The following XKR4 variants were observed in gnomAD, a reference collection of about 807,000 sequenced individuals.
XKR4 encodes the protein XK related 4, also known as XK-related protein 4.
Under a neutral mutation model 53.9 loss-of-function variants are expected in XKR4, and 12 were observed. That is an observed-to-expected ratio of 0.22 (90% CI 0.14 to 0.36). XKR4 has a LOEUF of 0.36. Ranked by LOEUF, XKR4 falls within the 10% of genes least tolerant of loss-of-function variation. The probability of loss-of-function intolerance (pLI) is 1.00; values close to 1 mark genes in which losing one functional copy is unlikely to be tolerated. For synonymous variants in XKR4, 354 were observed against 362.4 expected, an observed-to-expected ratio of 0.98 and a Z score of 0.26; for missense variants, 799 against 859.5, an observed-to-expected ratio of 0.93 and a Z score of 0.88.
intron 2 of XKR4, among the ~76,000 whole-genome samples, chr8:55,477,407 C>T (rs901639310): frequency 2.6e-5 from 4 of 152,044 alleles, no homozygotes; most frequent in South Asian, 2.1e-4. Context: ...CCCTTCTGTA[C>T]GTCAACATCA....
At chr8:55,456,056 T>C (rs1805564585) in intron 2 of XKR4, among the ~76,000 whole-genome samples, 1 of 152,236 alleles carries the variant, frequency 6.6e-6, no homozygotes, top group Non-Finnish European at 1.5e-5. Flanking sequence ...ATTTCCATTT[T>C]GGGGCAAAAC....
intron 1 of XKR4, among the ~76,000 whole-genome samples, chr8:55,314,617 G>T (rs902160546): frequency 2.6e-5 from 4 of 152,210 alleles, no homozygotes; most frequent in African/African-American, 7.2e-5. Flanking sequence ...TTCTTTAAGA[G>T]TTAGAATTTT....
In XKR4 at chr8:55,376,835, CAA is replaced by C. The variant is rs779596279; in HGVS notation, c.1006+18961_1006+18962del. 3.8e-4 allele frequency among the ~76,000 whole-genome samples: 57 copies of C among 151,810 alleles called. 1 individual carries two copies. Among genetic ancestry groups the C allele is most frequent in the Admixed American group, 2.4e-3 (36 of 15,222 alleles). Reference sequence around the variant, plus strand: ...TCATTAATTCTAATAAATGAGTCATCAAAAGTCATTATATTTCTTTCTATTTT... The same window carrying C: ...TCATTAATTCTAATAAATGAGTCATCAAGTCATTATATTTCTTTCTATTTT... On this transcript the variant is annotated intron_variant, in intron 2 of 2. Transcript: ENST00000327381.
At chr8:55,362,099 C>T (rs1001187670) in intron 2 of XKR4, among the ~76,000 whole-genome samples, 4 of 152,096 alleles carry the variant, frequency 2.6e-5, no homozygotes, top group African/African-American at 7.2e-5. Context: ...TGAGAGAGTA[C>T]ACACAAAGGA....
At chr8:55,158,372 T>C (rs1250138468) in intron 1 of XKR4, among the ~76,000 whole-genome samples, 1 of 152,226 alleles carries the variant, frequency 6.6e-6, no homozygotes, top group Non-Finnish European at 1.5e-5. Context: ...TTGATTAGTT[T>C]AAGTTCCTTA....
chr8:55,230,588 G>A (rs534719656), intron 1 of XKR4, among the ~76,000 whole-genome samples: 1 of 152,140 alleles, frequency 6.6e-6, no homozygotes, highest in East Asian at 1.9e-4. Flanking sequence ...GGCTGGTCTC[G>A]AACTCCTGTC....
At chr8:55,127,702 G>A (rs1331506922) in intron 1 of XKR4, among the ~76,000 whole-genome samples, 10 of 145,938 alleles carry the variant, frequency 6.9e-5, no homozygotes, top group Admixed American at 1.4e-4. Context: ...ATTTAGCTTA[G>A]GTATATCTCC....
At chr8:55,397,472 T>C (rs531476610) in intron 2 of XKR4, among the ~76,000 whole-genome samples, 68 of 152,304 alleles carry the variant, frequency 4.5e-4, no homozygotes, top group Non-Finnish European at 6.3e-4. Context: ...TGGAAGCTTG[T>C]GACCTGAAAG....
chr8:55,216,517 C>A (rs1356953627), intron 1 of XKR4, among the ~76,000 whole-genome samples: 1 of 152,134 alleles, frequency 6.6e-6, no homozygotes, highest in Non-Finnish European at 1.5e-5. Flanking sequence ...CACCTGAGGT[C>A]AGGAGTTCGA....
Position 55,529,057 on chromosome 8 carries a change from A to G in XKR4, c.*4830A>G, listed in dbSNP as rs1806915250. On this transcript the variant is annotated 3_prime_UTR_variant, in exon 3 of 3. Transcript: ENST00000327381. ...AAAATGGGCATGTGGCAAGACTCTCAATCTACAGCCTCGACAGTATCATTA... is the reference window on the plus strand; with the variant it reads ...AAAATGGGCATGTGGCAAGACTCTCGATCTACAGCCTCGACAGTATCATTA... The G allele has an allele frequency of 6.7e-6, 1 of 149,958 alleles. No homozygotes were observed. The highest frequency in any genetic ancestry group is 2.2e-4 in the South Asian group (1 of 4,642). The allele number at this position is 149,958 out of a possible 1,614,324, so 9.3% of individuals were successfully genotyped here.
chr8:55,506,519 G>A (rs969228265), intron 2 of XKR4, among the ~76,000 whole-genome samples: 48 of 152,312 alleles, frequency 3.2e-4, no homozygotes, highest in African/African-American at 1.1e-3. Context: ...GCCCTAGGAA[G>A]GTCAACACCC....
intron 2 of XKR4, among the ~76,000 whole-genome samples, chr8:55,466,598 C>T (rs938803517): frequency 7.3e-5 from 11 of 149,762 alleles, no homozygotes; most frequent in Non-Finnish European, 1.2e-4. Context: ...AACAAACCTG[C>T]ACATTGTGCA....
chr8:55,261,079 A>G (rs930379933), intron 1 of XKR4, among the ~76,000 whole-genome samples: 1 of 152,174 alleles, frequency 6.6e-6, no homozygotes, highest in Non-Finnish European at 1.5e-5. Context: ...CTATATCACT[A>G]CCTGGGAAGG....
At chr8:55,465,490 A>T (rs1286734983) in intron 2 of XKR4, among the ~76,000 whole-genome samples, 1 of 152,044 alleles carries the variant, frequency 6.6e-6, no homozygotes, top group African/African-American at 2.4e-5. Flanking sequence ...TTAACTCAAG[A>T]TGGATTAAAG....
intron 2 of XKR4, among the ~76,000 whole-genome samples, chr8:55,441,024 T>A (rs1195572134): frequency 6.7e-6 from 1 of 149,614 alleles, no homozygotes; most frequent in Non-Finnish European, 1.5e-5. Flanking sequence ...TCCCAAAAGC[T>A]TGATACCAGC....
Position 55,524,500 on chromosome 8 carries a change from C to A in XKR4, c.*273C>A. 1 of 474,316 alleles carries A rather than the reference C, an allele frequency of 2.1e-6. No individual in the cohort carries two copies. The highest frequency in any genetic ancestry group is 3.6e-5 in the East Asian group (1 of 28,112). The allele number at this position is 474,316 out of a possible 1,614,324, so 29.4% of individuals were successfully genotyped here. On this transcript the variant is annotated 3_prime_UTR_variant, in exon 3 of 3. Transcript: ENST00000327381. The stretch of plus-strand genomic sequence containing the variant: ...AACTCCTCCTGCACGGTCTTGGGTG[C>A]ACCCACCAGAGGGTACTACTATTAT...
intron 1 of XKR4, among the ~76,000 whole-genome samples, chr8:55,262,947 GA>G (rs975984581): frequency 1.6e-4 from 24 of 152,158 alleles, no homozygotes; most frequent in African/African-American, 5.3e-4. Context: ...TACAAGAATA[GA>G]AACCCTGAAG....
At chr8:55,213,739 AG>A (rs1817760231) in intron 1 of XKR4, among the ~76,000 whole-genome samples, 1 of 152,116 alleles carries the variant, frequency 6.6e-6, no homozygotes, top group South Asian at 2.1e-4. Flanking sequence ...GTTAGAAGTA[AG>A]ATGGACTCAG....
At chr8:55,314,001 CTT>C (rs1399153116) in intron 1 of XKR4, among the ~76,000 whole-genome samples, 1 of 152,158 alleles carries the variant, frequency 6.6e-6, no homozygotes, top group East Asian at 1.9e-4. Context: ...ATAATGATAA[CTT>C]ATGATTTTAT....
Sources: gnomAD v4.1 joint callset for allele counts (sites outside exome capture counted in the v4.1 genomes callset) on GRCh38, gnomAD v4.1.1 for gene constraint, MANE v1.5 for transcripts, NCBI Gene and HGNC (gene_info 2026-07-23, HGNC 2026-07-21) for gene names.